Variants in GOLGA1 observed in about 807,000 individuals in gnomAD.
GOLGA1 encodes golgin A1.
A neutral mutation model predicts 119.7 loss-of-function variants in GOLGA1; 63 were observed. The ratio of observed to expected loss-of-function variants is 0.53; its 90% CI spans 0.43 to 0.65. The LOEUF is 0.65. Among genes scored for constraint, GOLGA1 ranks in the 30% least tolerant of loss-of-function variants. The pLI, the probability that GOLGA1 is intolerant of heterozygous loss-of-function variation, is 0.00. For missense variants in GOLGA1, 798 were observed against 912.8 expected, an observed-to-expected ratio of 0.87 and a Z score of 1.62; for synonymous variants, 318 against 333.4, an observed-to-expected ratio of 0.95 and a Z score of 0.50.
In GOLGA1 at chr9:124,881,304, G is replaced by A; in HGVS notation, c.2137-47C>T. On this transcript the variant is annotated intron_variant, in intron 21 of 22. Transcript: ENST00000373555. This position sits in a 1 kb window ranked among gnomAD's most constrained non-coding sequence, Gnocchi z 4.9. ...TGCCATAGGCCTTGGTGAAGGTGAGGCGGGGTGGGGTCGGGGGAGCTACGT... is the reference window on the plus strand; with the variant it reads ...TGCCATAGGCCTTGGTGAAGGTGAGACGGGGTGGGGTCGGGGGAGCTACGT... 9.2e-7 allele frequency: 1 copy of A among 1,082,454 alleles called. No homozygotes were observed. Among genetic ancestry groups the A allele is most frequent in the Non-Finnish European group, 1.4e-6 (1 of 693,744 alleles). The allele number at this position is 1,082,454 out of a possible 1,614,324, so 67.1% of individuals were successfully genotyped here.
rs1312150091 is a variant in GOLGA1 at position 124,878,811 on chromosome 9, T to G, written c.*1719A>C. The G allele has an allele frequency of 6.6e-6, 1 of 152,252 alleles. No individual in the cohort carries two copies. The highest frequency in any genetic ancestry group is 2.4e-5 in the African/African-American group (1 of 41,452). The allele number at this position is 152,252 out of a possible 1,614,324, so 9.4% of individuals were successfully genotyped here. ...TTGGCTGGCTGTGAGCTACCCAGTC[T>G]TAGAGATTCTTTCCTGGAACAGTTG... is the stretch of plus-strand genomic sequence containing the variant. On this transcript the variant is annotated 3_prime_UTR_variant, in exon 23 of 23. Transcript: ENST00000373555.
chr9:124,900,552 G>T lies in GOLGA1; in HGVS notation c.1066-5C>A. 1 of 1,436,026 alleles carries T rather than the reference G, an allele frequency of 7.0e-7. No individual in the cohort carries two copies. The highest frequency in any genetic ancestry group is 9.8e-7 in the Non-Finnish European group (1 of 1,021,542). 89.0% of individuals were successfully genotyped at this position (1,436,026 alleles called of 1,614,324 possible). On this transcript the variant is annotated splice_polypyrimidine_tract_variant and splice_region_variant and intron_variant, in intron 12 of 22. Transcript: ENST00000373555. ...GGTCTGCTCCAGTTCTCTCACCTGA[G>T]AGGGAAGCAGAAGCATTCTTTCTGT...
Position 124,908,386 on chromosome 9 carries a change from C to T in GOLGA1, c.1056G>A (p.Leu352=). The T allele has an allele frequency of 1.3e-6, 2 of 1,583,364 alleles. No individual in the cohort carries two copies. Among genetic ancestry groups the T allele is most frequent in the Non-Finnish European group, 1.7e-6 (2 of 1,151,824 alleles). ...RSSQAKAINT[L]ETRVRELEQT... ...GGAGTAAGGTCAGTACCCGAGTCTC[C>T]AGGGTGTTAATGGCCTTAGCCTGGC... Residue 352 remains leucine (L), a synonymous_variant, in exon 12 of 23, where the codon CTG becomes CTA. Transcript: ENST00000373555.
chr9:124,911,878 A>C (rs1301569345), intron 11 of GOLGA1, 23 bp downstream of exon 11: 9 of 1,605,958 alleles, frequency 5.6e-6, no homozygotes, highest in Non-Finnish European at 7.7e-6. Context: ...AACACCAGCC[A>C]GCCCAAAGAG....
chr9:124,900,393 A>G lies in GOLGA1; in HGVS notation c.1161+59T>C, dbSNP rs778185481. ...TTCGGAATGAGTTTGGAGCATCTGC[A>G]AAGGCCTGGAGAGAAAGCATTAAGG... On this transcript the variant is annotated intron_variant, in intron 13 of 22. Coordinates refer to ENST00000373555, the MANE Select transcript of GOLGA1 (RefSeq NM_002077.4). The G allele has an allele frequency of 1.9e-5, 17 of 881,766 alleles. No individual in the cohort carries two copies. In the South Asian group the frequency reaches 2.3e-4, roughly 12 times the overall value. The allele number at this position is 881,766 out of a possible 1,614,324, so 54.6% of individuals were successfully genotyped here.
chr9:124,915,501 A>T (rs1025644282), intron 10 of GOLGA1, among the ~76,000 whole-genome samples: 1 of 152,122 alleles, frequency 6.6e-6, no homozygotes, highest in African/African-American at 2.4e-5. Flanking sequence ...CTAAGCGTTA[A>T]CCACTTGTCT....
At chr9:124,904,337 A>G (rs1047031278) in intron 12 of GOLGA1, among the ~76,000 whole-genome samples, 1 of 152,108 alleles carries the variant, frequency 6.6e-6, no homozygotes, top group African/African-American at 2.4e-5. Context: ...GGAAGATGAA[A>G]AAGTTTTGGA....
chr9:124,898,020 A>G (rs1830016472), intron 15 of GOLGA1, among the ~76,000 whole-genome samples: 1 of 152,234 alleles, frequency 6.6e-6, no homozygotes, highest in African/African-American at 2.4e-5. Context: ...TTAGGGAATG[A>G]AAGAGGCATC....
chr9:124,903,397 A>C (rs1173299367), intron 12 of GOLGA1, among the ~76,000 whole-genome samples: 2 of 152,094 alleles, frequency 1.3e-5, no homozygotes, highest in African/African-American at 4.8e-5. Flanking sequence ...AAAACTGCTT[A>C]AACCTGCGGG....
At chr9:124,926,942 T>C (rs929520380) in intron 6 of GOLGA1, among the ~76,000 whole-genome samples, 4 of 152,156 alleles carry the variant, frequency 2.6e-5, no homozygotes, top group Non-Finnish European at 4.4e-5. Context: ...ATGAACTTTA[T>C]CTAAGATTCT....
At chr9:124,921,292 T>C (rs1159498662) in intron 9 of GOLGA1, 52 bp from the exon 10 acceptor site, 1 of 1,000,232 alleles carries the variant, frequency 1.0e-6, no homozygotes. Context: ...TCATCTAATA[T>C]ACAGTCTTCT....
chr9:124,944,935 G>C (rs761789362), upstream of GOLGA1: 8 of 152,096 alleles, frequency 5.3e-5, no homozygotes, highest in Non-Finnish European at 7.4e-5. Flanking sequence ...CTATAAGAAG[G>C]CTAGCCATAA....
intron 3 of GOLGA1, among the ~76,000 whole-genome samples, chr9:124,937,409 T>A (rs1375366144): frequency 6.6e-6 from 1 of 152,012 alleles, no homozygotes; most frequent in Non-Finnish European, 1.5e-5. Flanking sequence ...GCCGAGATTG[T>A]GCTGCTGCAC....
chr9:124,921,748 G>C lies in GOLGA1; in HGVS notation c.706C>G (p.His236Asp), dbSNP rs1830573607. 2 of 1,613,742 alleles carry C rather than the reference G, an allele frequency of 1.2e-6. No individual in the cohort carries two copies. The highest frequency in any genetic ancestry group is 2.7e-5 in the African/African-American group (2 of 74,910). ...CTCTGCTCTTCCAGCGTTGAGTAGT[G>C]TCTCTGCAATTCTTCTAGCTTCTGG... ...LSQKLEELQR[H>D]YSTLEEQRDH... Residue 236 changes from histidine (H) to aspartate (D), a missense_variant, in exon 9 of 23, where the codon CAC (histidine) becomes GAC (aspartate). By Grantham distance (81) the His-to-Asp change is moderately conservative. Transcript: ENST00000373555.
intron 19 of GOLGA1, among the ~76,000 whole-genome samples, chr9:124,885,468 G>A (rs1829699614): frequency 6.8e-6 from 1 of 147,162 alleles, no homozygotes; most frequent in Non-Finnish European, 1.5e-5. Context: ...CTGGGTGACA[G>A]GGGGAGACTC....
intron 6 of GOLGA1, among the ~76,000 whole-genome samples, chr9:124,927,183 C>T (rs1830690228): frequency 6.6e-6 from 1 of 152,070 alleles, no homozygotes; most frequent in African/African-American, 2.4e-5. Context: ...GGATCTTTTG[C>T]AGTCCCTGAT....
rs149575615 is a variant in GOLGA1, at chr9:124,878,503, A to G, written c.*2027T>C. 1.7e-3 allele frequency: 259 copies of G among 152,816 alleles called. 1 individual carries two copies. The highest frequency in any genetic ancestry group is 5.9e-3 in the African/African-American group (246 of 41,590). The allele number at this position is 152,816 out of a possible 1,614,324, so 9.5% of individuals were successfully genotyped here. A position where few individuals can be genotyped will look rare whatever the true frequency, so the allele number is the denominator to read the frequency against. On this transcript the variant is annotated 3_prime_UTR_variant, in exon 23 of 23. Coordinates refer to ENST00000373555, the MANE Select transcript of GOLGA1 (RefSeq NM_002077.4). ...AGATCCATCGCTCGTATAAAGGGCT[A>G]TAGATACCGTCGCTAACACAGAAAG...
At chr9:124,945,556 A>G (rs1226849723), upstream of GOLGA1, 4 of 152,106 alleles carry the variant, frequency 2.6e-5, no homozygotes, top group Admixed American at 2.0e-4. Context: ...TCCATCTCAA[A>G]AAAAAAAAAA....
In GOLGA1 at chr9:124,892,323, C is replaced by G. The variant is rs191821744; in HGVS notation, c.1408-1845G>C. 2.3e-3 allele frequency among the ~76,000 whole-genome samples: 352 copies of G among 152,210 alleles called. 2 individuals carry two copies. The highest frequency in any genetic ancestry group is 0.014 in the South Asian group (68 of 4,812). On this transcript the variant is annotated intron_variant, in intron 15 of 22. Transcript: ENST00000373555. ...ATTTCTTCCTTGAGTTTGATTTGTG[C>G]CTTCTTCTGACTTTTTGAGATGCAT...
Sources: allele counts gnomAD v4.1 joint callset (sites outside exome capture counted in the v4.1 genomes callset), GRCh38; gene constraint gnomAD v4.1.1; non-coding constraint Gnocchi (gnomAD v3.1); transcripts MANE v1.5; gene names NCBI Gene and HGNC (gene_info 2026-07-23, HGNC 2026-07-21).